COL9A2: variants seen among roughly 807,000 people sequenced by gnomAD.
The protein encoded by COL9A2 is collagen type IX alpha 2 chain.
COL9A2 carries 66 observed loss-of-function variants against 111.6 expected under a neutral mutation model. The ratio of observed to expected loss-of-function variants is 0.59; its 90% CI spans 0.48 to 0.73. The LOEUF is 0.73. Ranked by LOEUF, COL9A2 falls within the 30% of genes least tolerant of loss-of-function variation. The pLI is 0.00. For synonymous variants in COL9A2, 353 were observed against 364.1 expected (o/e 0.97, Z 0.35); for missense variants, 881 against 954.1 (o/e 0.92, Z 1.01).
At chr1:40,315,353 G>C (rs1039888143) in intron 2 of COL9A2, 56 of 1,354,478 alleles carry the variant, frequency 4.1e-5, no homozygotes, top group Non-Finnish European at 5.3e-5. Context: ...TGCGGCCGGC[G>C]GACTGAACAG....
chr1:40,314,729 G>A lies in COL9A2; in HGVS notation c.151-342C>T, dbSNP rs1644188389. 6.6e-6 allele frequency among the ~76,000 whole-genome samples: 1 copy of A among 152,156 alleles called. No homozygotes were observed. Among genetic ancestry groups the A allele is most frequent in the Non-Finnish European group, 1.5e-5 (1 of 68,020 alleles). ...ATGCCTCTTGGATTTGGGCACGTGTGGGAGGAAGGTTGGGGCTTTTAGAGA... is the reference window on the plus strand; with the variant it reads ...ATGCCTCTTGGATTTGGGCACGTGTAGGAGGAAGGTTGGGGCTTTTAGAGA... On this transcript the variant is annotated intron_variant, in intron 2 of 31. Transcript: ENST00000372748. This position sits in a 1 kb window ranked among gnomAD's most constrained non-coding sequence, Gnocchi z 4.1.
In COL9A2 at chr1:40,312,533, T is replaced by C; in HGVS notation, c.339+41A>G. The C allele has an allele frequency of 1.2e-6, 2 of 1,613,510 alleles. No homozygotes were observed. Among genetic ancestry groups the C allele is most frequent in the Non-Finnish European group, 1.7e-6 (2 of 1,179,870 alleles). On this transcript the variant is annotated intron_variant, in intron 6 of 31. Transcript: ENST00000372748. The surrounding 1 kb of genome is among the most constrained non-coding windows in gnomAD (Gnocchi z 6.0). ...CATGGCTCCCTCTGCAGGTCCCCTC[T>C]CCCCCAAGAGTCCCTCGAAGCCCTT...
rs765789134 is a variant in COL9A2, at chr1:40,317,119, T to C, written c.75+4A>G. 2.5e-6 allele frequency: 4 copies of C among 1,570,954 alleles called. No individual in the cohort carries two copies. Among genetic ancestry groups the C allele is most frequent in the Non-Finnish European group, 2.6e-6 (3 of 1,158,544 alleles). ...CCTGGCAGCGGAGGGGCTGCGAAAC[T>C]TACAATCTGCGCCAGAGCGAGCACT... On this transcript the variant is annotated splice_donor_region_variant and intron_variant, in intron 1 of 31. Coordinates refer to ENST00000372748, the MANE Select transcript of COL9A2 (RefSeq NM_001852.4). The surrounding 1 kb of genome is among the most constrained non-coding windows in gnomAD (Gnocchi z 4.3).
rs1644156132 is a variant in COL9A2, at chr1:40,312,996, A to G, written c.250-212T>C. ...CAGAACAATTCCCTTCTTTTGAAAG[A>G]TGAGAAACCAAAGCCCAAAGATTTG... is the stretch of plus-strand genomic sequence containing the variant. On this transcript the variant is annotated intron_variant, in intron 4 of 31. Coordinates refer to ENST00000372748, the MANE Select transcript of COL9A2 (RefSeq NM_001852.4). This position sits in a 1 kb window ranked among gnomAD's most constrained non-coding sequence, Gnocchi z 6.0. Among the ~76,000 whole-genome samples the G allele has an allele frequency of 6.6e-6, 1 of 152,170 alleles. No individual in the cohort carries two copies. Among genetic ancestry groups the G allele is most frequent in the South Asian group, 2.1e-4 (1 of 4,824 alleles).
intron 22 of COL9A2, 21 bp downstream of exon 22, chr1:40,304,773 G>C: frequency 6.5e-7 from 1 of 1,547,396 alleles, no homozygotes; most frequent in Non-Finnish European, 8.7e-7. Context: ...CCGGGGAGGG[G>C]CCATTGTGCC....
Position 40,311,451 on chromosome 1 carries a change from T to TCCAGACACCCCCATCTCC in COL9A2, c.519+48_519+49insGGAGATGGGGGTGTCTGG. 2 of 1,340,704 alleles carry TCCAGACACCCCCATCTCC rather than the reference T, an allele frequency of 1.5e-6. No individual in the cohort carries two copies. The highest frequency in any genetic ancestry group is 2.1e-6 in the Non-Finnish European group (2 of 941,448). 83.1% of individuals were successfully genotyped at this position (1,340,704 alleles called of 1,614,324 possible). On this transcript the variant is annotated intron_variant, in intron 10 of 31. Transcript: ENST00000372748. This position sits in a 1 kb window ranked among gnomAD's most constrained non-coding sequence, Gnocchi z 5.1. ...CTCCGTGGCCCCGCCTCCCCATCTCTGTGGCCCCGCCCCCCTGTGTTAGCC... is the reference window on the plus strand; with the variant it reads ...CTCCGTGGCCCCGCCTCCCCATCTCTCCAGACACCCCCATCTCCGTGGCCCCGCCCCCCTGTGTTAGCC...
At position 40,301,022 on chromosome 1, in the gene COL9A2, C is replaced by A; in HGVS notation, c.*160G>T. On this transcript the variant is annotated 3_prime_UTR_variant, in exon 32 of 32. Transcript: ENST00000372748. ...ACCCATCAGTGCTCTACCTCCCCTT[C>A]CCCCATGTTTTAGAATTCCTTTTCC... is the stretch of plus-strand genomic sequence containing the variant. 1.4e-6 allele frequency: 1 copy of A among 733,092 alleles called. No individual in the cohort carries two copies. The highest frequency in any genetic ancestry group is 1.8e-5 in the South Asian group (1 of 56,304). The allele number at this position is 733,092 out of a possible 1,614,324, so 45.4% of individuals were successfully genotyped here.
chr1:40,307,852 G>T lies in COL9A2; in HGVS notation c.901-96C>A. The T allele has an allele frequency of 7.5e-7, 1 of 1,328,558 alleles. No individual in the cohort carries two copies. The highest frequency in any genetic ancestry group is 2.4e-5 in the East Asian group (1 of 41,844). The allele number at this position is 1,328,558 out of a possible 1,614,324, so 82.3% of individuals were successfully genotyped here. ...TCCTCTGAGACAGCTGCAGTGTGCA[G>T]GGAGGGAGTGGCTCTGGTCATCCCA... On this transcript the variant is annotated intron_variant, in intron 17 of 31. Coordinates refer to ENST00000372748, the MANE Select transcript of COL9A2 (RefSeq NM_001852.4). The surrounding 1 kb of genome is among the most constrained non-coding windows in gnomAD (Gnocchi z 4.8).
rs747613678 is a variant in COL9A2, at chr1:40,311,179, C to T, written c.577-33G>A. On this transcript the variant is annotated intron_variant, in intron 11 of 31. Transcript: ENST00000372748. The surrounding 1 kb of genome is among the most constrained non-coding windows in gnomAD (Gnocchi z 5.1). ...GAAGGAGAGAGCTCAATACGAGGTC[C>T]CCTCCTGTCACCTGCACCACCCTCC... 11 of 1,614,224 alleles carry T rather than the reference C, an allele frequency of 6.8e-6. No individual in the cohort carries two copies. In the East Asian group the frequency reaches 2.0e-4, roughly 29 times the overall value.
In COL9A2 at chr1:40,307,783, A is replaced by G; in HGVS notation, c.901-27T>C. ...TACCCAGGAGGAAAGTTCAAGGGAG[A>G]GTGATAATGCGGAGATGTCTGGGGT... On this transcript the variant is annotated intron_variant, in intron 17 of 31. Transcript: ENST00000372748. This position sits in a 1 kb window ranked among gnomAD's most constrained non-coding sequence, Gnocchi z 4.8. The G allele has an allele frequency of 1.2e-6, 2 of 1,613,234 alleles. No individual in the cohort carries two copies. The highest frequency in any genetic ancestry group is 1.7e-6 in the Non-Finnish European group (2 of 1,179,308).
intron 21 of COL9A2, chr1:40,305,048 CA>C: frequency 3.1e-6 from 1 of 319,798 alleles, no homozygotes; most frequent in South Asian, 5.4e-5. Context: ...ATCATGTGAT[CA>C]TTTCTTTCTT....
chr1:40,304,135 C>A lies in COL9A2; in HGVS notation c.1288-36G>T, dbSNP rs990063585. ...CGGGCAGTGAGGGGTTTGGCGAGCT[C>A]CCCCCTCCACGGGGTCCCCCACCTA... is the stretch of plus-strand genomic sequence containing the variant. On this transcript the variant is annotated intron_variant, in intron 24 of 31. Transcript: ENST00000372748. 4 of 1,529,484 alleles carry A rather than the reference C, an allele frequency of 2.6e-6. No individual in the cohort carries two copies. The South Asian group carries it at 4.9e-5, about 19-fold the overall frequency. The allele number at this position is 1,529,484 out of a possible 1,614,324, so 94.7% of individuals were successfully genotyped here.
chr1:40,304,010 CG>C, intron 25 of COL9A2, 38 bp from the exon 26 acceptor site: 1 of 1,570,048 alleles, frequency 6.4e-7, no homozygotes, highest in Non-Finnish European at 8.6e-7. Context: ...GCGGTGGCGG[CG>C]GGGACGCAGA....
intron 22 of COL9A2, 104 bp from the exon 23 acceptor site, chr1:40,304,633 G>A (rs1207280492): frequency 2.8e-6 from 4 of 1,435,736 alleles, no homozygotes; most frequent in East Asian, 4.7e-5. Flanking sequence ...CATTCCTGCT[G>A]TCACTGGCAG....
In COL9A2 at chr1:40,315,642, C is replaced by A; in HGVS notation, c.98G>T (p.Gly33Val). 1 of 1,553,724 alleles carries A rather than the reference C, an allele frequency of 6.4e-7. No individual in the cohort carries two copies. The highest frequency in any genetic ancestry group is 2.4e-5 in the East Asian group (1 of 41,650). ...AQIRGPPGERGPPGPPGPPGV... is the reference protein window; with the variant it reads ...AQIRGPPGERVPPGPPGPPGV... ...CGGCGGTCCCGGGGGACCCGGGGGGCCCCGCTCTCCCGGTGGACCTCTCTG... is the reference window on the plus strand; with the variant it reads ...CGGCGGTCCCGGGGGACCCGGGGGGACCCGCTCTCCCGGTGGACCTCTCTG... Residue 33 changes from glycine to valine, a missense_variant, in exon 2 of 32, where the codon GGC (glycine) becomes GTC (valine). Physicochemically the swap from Gly to Val is moderately radical, Grantham distance 109. Transcript: ENST00000372748.
chr1:40,303,578 C>T lies in COL9A2; in HGVS notation c.1500G>A (p.Leu500=). The T allele has an allele frequency of 6.2e-7, 1 of 1,610,812 alleles. No individual in the cohort carries two copies. The highest frequency in any genetic ancestry group is 8.5e-7 in the Non-Finnish European group (1 of 1,179,016). Residue 500 remains leucine (L), a synonymous_variant, in exon 28 of 32, where the codon CTG becomes CTA. Coordinates refer to ENST00000372748, the MANE Select transcript of COL9A2 (RefSeq NM_001852.4). This position sits in a 1 kb window ranked among gnomAD's most constrained non-coding sequence, Gnocchi z 4.6. ...GTCCTGGCACGCCTCGGTTCCCGGC[C>T]AGTCCTCGAGGGCCGGGGGGACCAG... ...GYPGPPGPRG[L]AGNRGVPGQP... is the part of the protein sequence containing the mutation.
chr1:40,307,047 A>G lies in COL9A2; in HGVS notation c.1008+399T>C, dbSNP rs578005955. On this transcript the variant is annotated intron_variant, in intron 19 of 31. Transcript: ENST00000372748. The surrounding 1 kb of genome is among the most constrained non-coding windows in gnomAD (Gnocchi z 4.8). ...TTTAGTAGAGACGGGGTGTCACCAC[A>G]TTGGCCAGGCTGGTTTTGAACTCCT... Among the ~76,000 whole-genome samples, 9 of 151,922 alleles carry G rather than the reference A, an allele frequency of 5.9e-5. No homozygotes were observed. Among genetic ancestry groups the G allele is most frequent in the Non-Finnish European group, 8.8e-5 (6 of 67,958 alleles).
intron 21 of COL9A2, among the ~76,000 whole-genome samples, chr1:40,305,161 G>A (rs1229176702): frequency 2.8e-5 from 4 of 140,922 alleles, no homozygotes; most frequent in South Asian, 2.2e-4. Flanking sequence ...TCCGCCTCCC[G>A]GGTTCATGCC....
Position 40,303,764 on chromosome 1 carries a change from G to A in COL9A2, c.1401+43C>T, listed in dbSNP as rs1557793008. On this transcript the variant is annotated intron_variant, in intron 27 of 31. Transcript: ENST00000372748. The surrounding 1 kb of genome is among the most constrained non-coding windows in gnomAD (Gnocchi z 4.6). ...GGGGTGGGGGTCGAGGAAGGGAGTG[G>A]CCGCCCAGGAAAGTCGGAGAACGCC... The A allele has an allele frequency of 6.4e-7, 1 of 1,557,118 alleles. No homozygotes were observed. The highest frequency in any genetic ancestry group is 8.7e-7 in the Non-Finnish European group (1 of 1,151,718).
Sources: gnomAD v4.1 joint callset for allele counts (sites outside exome capture counted in the v4.1 genomes callset) on GRCh38, gnomAD v4.1.1 for gene constraint, Gnocchi (gnomAD v3.1) non-coding constraint, MANE v1.5 for transcripts, NCBI Gene and HGNC (gene_info 2026-07-23, HGNC 2026-07-21) for gene names.